Variants in MYLK observed in about 807,000 individuals in gnomAD.
MYLK encodes myosin light chain kinase, smooth muscle.
In MYLK, 106 loss-of-function variants were observed where a neutral mutation model predicts 203.4. That is an observed-to-expected ratio of 0.52 (90% CI 0.45 to 0.61). The LOEUF (loss-of-function observed/expected upper bound fraction) is 0.61, where lower values mean the gene tolerates loss of function less well. MYLK is among the 20% of genes least tolerant of loss of function. The pLI, the probability that MYLK is intolerant of heterozygous loss-of-function variation, is 0.00. For synonymous variants in MYLK, 867 were observed against 959.5 expected (o/e 0.90, Z 1.78); for missense variants, 2,072 against 2,442.3 (o/e 0.85, Z 3.20).
At position 123,671,956 on chromosome 3, in the gene MYLK, A is replaced by C. The variant is rs113848892; in HGVS notation, c.3653-4769T>G. On this transcript the variant is annotated intron_variant, in intron 20 of 33. Coordinates refer to ENST00000360304, the MANE Select transcript of MYLK (RefSeq NM_053025.4). ...AGAGGGCTTCTACCGGAGCCCAGATATGATCTCTGGAGAGAGGAGGCCATC... is the reference window on the plus strand; with the variant it reads ...AGAGGGCTTCTACCGGAGCCCAGATCTGATCTCTGGAGAGAGGAGGCCATC... 6.4e-3 allele frequency among the ~76,000 whole-genome samples: 976 copies of C among 152,136 alleles called. 10 individuals are homozygous for C. Among genetic ancestry groups the C allele is most frequent in the African/African-American group, 0.022 (921 of 41,534 alleles).
rs1487656919 is a variant in MYLK, at chr3:123,613,089, A to G, written c.*1016T>C. The G allele has an allele frequency of 2.6e-5, 4 of 152,372 alleles. No homozygotes were observed. The highest frequency in any genetic ancestry group is 5.9e-5 in the Non-Finnish European group (4 of 68,048). 9.4% of individuals were successfully genotyped at this position (152,372 alleles called of 1,614,324 possible). On this transcript the variant is annotated 3_prime_UTR_variant, in exon 34 of 34. Coordinates refer to ENST00000360304, the MANE Select transcript of MYLK (RefSeq NM_053025.4). ...CCATAAGGTAGGTCAAGTTCTTTGG[A>G]GAGTGTTGAGAATGAAGATGTATTA...
chr3:123,881,332 T>G (rs1263855246), intron 1 of MYLK, among the ~76,000 whole-genome samples: 2 of 152,206 alleles, frequency 1.3e-5, no homozygotes, highest in Non-Finnish European at 2.9e-5. Flanking sequence ...CCCTGCCTCA[T>G]GTCCTCTGCA....
At position 123,629,862 on chromosome 3, in the gene MYLK, C is replaced by G; in HGVS notation, c.4962-236G>C. The G allele has an allele frequency of 1.8e-6, 1 of 557,636 alleles. No individual in the cohort carries two copies. The highest frequency in any genetic ancestry group is 3.1e-5 in the East Asian group (1 of 32,058). The allele number at this position is 557,636 out of a possible 1,614,324, so 34.5% of individuals were successfully genotyped here. On this transcript the variant is annotated intron_variant, in intron 29 of 33. Coordinates refer to ENST00000360304, the MANE Select transcript of MYLK (RefSeq NM_053025.4). The surrounding 1 kb of genome is among the most constrained non-coding windows in gnomAD (Gnocchi z 4.4). ...ACCACCTACCTGTGAGGCTGAGGTGCAGCAGGTTGGCTTTAGATTACGGGC... is the reference window on the plus strand; with the variant it reads ...ACCACCTACCTGTGAGGCTGAGGTGGAGCAGGTTGGCTTTAGATTACGGGC...
In MYLK at chr3:123,614,108, C is replaced by CTCT; in HGVS notation, c.5739_5741dup (p.Glu1914dup). The CTCT allele has an allele frequency of 6.2e-7, 1 of 1,610,094 alleles. No individual in the cohort carries two copies. Among genetic ancestry groups the CTCT allele is most frequent in the Non-Finnish European group, 8.5e-7 (1 of 1,178,114 alleles). ...ACTGCTTTTCTCTGGCTTTGTTTCA[C>CTCT]TCTTCTTCCTCTTCCCCTTCCCCTT... On this transcript the variant is annotated inframe_insertion, in exon 34 of 34. Transcript: ENST00000360304.
At chr3:123,782,325 G>A (rs1353502655) in intron 4 of MYLK, among the ~76,000 whole-genome samples, 1 of 152,194 alleles carries the variant, frequency 6.6e-6, no homozygotes, top group Non-Finnish European at 1.5e-5. Flanking sequence ...AGGAAGGAAA[G>A]TTTAATTTTC....
chr3:123,837,044 T>C (rs2066489719), intron 2 of MYLK, among the ~76,000 whole-genome samples: 1 of 152,194 alleles, frequency 6.6e-6, no homozygotes, highest in Non-Finnish European at 1.5e-5. Context: ...GTAACATTTC[T>C]TTTTATTTTT....
chr3:123,732,470 C>A (rs2062515513), intron 11 of MYLK, among the ~76,000 whole-genome samples: 2 of 152,072 alleles, frequency 1.3e-5, no homozygotes, highest in African/African-American at 4.8e-5. Flanking sequence ...TGTTTAAATT[C>A]CCCACAATGA....
chr3:123,696,595 T>A (rs974409779), intron 18 of MYLK, among the ~76,000 whole-genome samples: 2 of 151,776 alleles, frequency 1.3e-5, no homozygotes, highest in Non-Finnish European at 2.9e-5. Context: ...CTTCATCTTC[T>A]TTACCTACCC....
intron 3 of MYLK, among the ~76,000 whole-genome samples, chr3:123,802,402 G>A (rs2065227414): frequency 6.6e-6 from 1 of 152,206 alleles, no homozygotes; most frequent in Non-Finnish European, 1.5e-5. Context: ...CTTTCCTCTT[G>A]GAAGACACAT....
At chr3:123,877,007 A>C (rs2033190403) in intron 1 of MYLK, among the ~76,000 whole-genome samples, 2 of 152,356 alleles carry the variant, frequency 1.3e-5, no homozygotes, top group South Asian at 4.2e-4. Flanking sequence ...GAGGCTGAAA[A>C]GGTCAGAGGC....
At chr3:123,824,092 C>CT (rs750541116) in intron 3 of MYLK, among the ~76,000 whole-genome samples, 7,623 of 143,266 alleles carry the variant, frequency 0.053, 216 homozygotes, top group Non-Finnish European at 0.078. Context: ...TTTATTGTTT[C>CT]TTTTTTTTTT....
chr3:123,814,538 T>G (rs1057089308), intron 3 of MYLK, among the ~76,000 whole-genome samples: 13 of 152,242 alleles, frequency 8.5e-5, no homozygotes, highest in African/African-American at 3.1e-4. Context: ...TAATTTTCTG[T>G]AATATTTTTC....
chr3:123,733,055 G>T lies in MYLK; in HGVS notation c.1357C>A (p.Pro453Thr), dbSNP rs2062542418. ...ATGCTGCCTTCCTGTCTCCTCACGG[G>T]GGTGCCTTCCAGGAACCAGGCCACT... is the stretch of plus-strand genomic sequence containing the variant. ...PEVAWFLEGT[P>T]VRRQEGSIEV... The change falls in exon 11 of 34, where the codon CCC becomes ACC. Residue 453 changes from proline to threonine, a missense_variant. Transcript: ENST00000360304. The T allele has an allele frequency of 6.2e-7, 1 of 1,614,052 alleles. No individual in the cohort carries two copies. Among genetic ancestry groups the T allele is most frequent in the Non-Finnish European group, 8.5e-7 (1 of 1,180,000 alleles).
intron 2 of MYLK, among the ~76,000 whole-genome samples, chr3:123,868,413 T>C (rs1306934423): frequency 6.6e-6 from 1 of 152,226 alleles, no homozygotes; most frequent in Non-Finnish European, 1.5e-5. Context: ...TGTGGAACAA[T>C]TAAAATAGAG....
intron 2 of MYLK, among the ~76,000 whole-genome samples, chr3:123,861,896 G>T (rs1023793391): frequency 1.3e-5 from 2 of 152,202 alleles, no homozygotes; most frequent in African/African-American, 4.8e-5. Flanking sequence ...ATGGGTTTCT[G>T]TGGGCCATCT....
At chr3:123,849,979 C>T (rs36086290) in intron 2 of MYLK, among the ~76,000 whole-genome samples, 68,538 of 151,898 alleles carry the variant, frequency 0.45, 18,515 homozygotes, top group Non-Finnish European at 0.63. Context: ...CACCTATGAG[C>T]GAGAATATGC....
At position 123,700,315 on chromosome 3, in the gene MYLK, G is replaced by A; in HGVS notation, c.3153C>T (p.Gly1051=). 1 of 1,613,770 alleles carries A rather than the reference G, an allele frequency of 6.2e-7. No homozygotes were observed. The highest frequency in any genetic ancestry group is 1.1e-5 in the South Asian group (1 of 91,020). ...AKPAETLKPM[G]NAKPDENLKS... ...TCAGGTTCTCATCAGGCTTGGCATT[G>A]CCCATGGGCTTCAGGGTCTCGGCAG... Residue 1051 remains glycine, a synonymous_variant, in exon 18 of 34, where the codon GGC becomes GGT. Transcript: ENST00000360304.
intron 5 of MYLK, among the ~76,000 whole-genome samples, chr3:123,750,544 T>C (rs2063161115): frequency 6.6e-6 from 1 of 152,196 alleles, no homozygotes; most frequent in African/African-American, 2.4e-5. Flanking sequence ...ATGTGGATCA[T>C]AGAAAACAAG....
At chr3:123,652,033 G>A (rs888399019) in intron 24 of MYLK, among the ~76,000 whole-genome samples, 2 of 152,304 alleles carry the variant, frequency 1.3e-5, no homozygotes, top group East Asian at 1.9e-4. Flanking sequence ...GAATGCTTGC[G>A]TCTAGGAGTT....
Sources: allele counts gnomAD v4.1 joint callset (sites outside exome capture counted in the v4.1 genomes callset), GRCh38; gene constraint gnomAD v4.1.1; non-coding constraint Gnocchi (gnomAD v3.1); transcripts MANE v1.5; gene names NCBI Gene and HGNC (gene_info 2026-07-23, HGNC 2026-07-21).